The following OR56B2 variants were observed in gnomAD, a reference collection of about 807,000 sequenced individuals.
OR56B2 encodes the protein olfactory receptor family 56 subfamily B member 2.
the OR56B2 span, among the ~76,000 whole-genome samples, chr11:5,764,339 C>T: frequency 3.5e-5 from 5 of 141,030 alleles, 1 homozygote; most frequent in Admixed American, 7.3e-5. Context: ...TTAACTTCTA[C>T]GCCAGTCATC....
At chr11:5,763,361 TGGAG>T in the OR56B2 span, among the ~76,000 whole-genome samples, 3 of 90,302 alleles carry the variant, frequency 3.3e-5, 1 homozygote, top group Non-Finnish European at 7.5e-5. Context: ...TTGCCCAGGC[TGGAG>T]TGCAGTGGTA....
chr11:5,761,420 G>T, the OR56B2 span, among the ~76,000 whole-genome samples: 2 of 151,978 alleles, frequency 1.3e-5, no homozygotes, highest in African/African-American at 4.8e-5. Flanking sequence ...AAAACTTTAT[G>T]GAACCTAATA....
the OR56B2 span, chr11:5,767,103 T>C: frequency 0.92 from 127,411 of 137,818 alleles, 60,589 homozygotes; most frequent in Middle Eastern, 0.98. Flanking sequence ...CCTGGCTTCA[T>C]CTGAGGACTT....
At chr11:5,763,501 A>C in the OR56B2 span, among the ~76,000 whole-genome samples, 13 of 139,068 alleles carry the variant, frequency 9.3e-5, 4 homozygotes, top group Non-Finnish European at 1.9e-4. Flanking sequence ...TTCAGTAGGG[A>C]CGGAGTTTCA....
chr11:5,766,578 CAACAT>C, the OR56B2 span: 2 of 139,582 alleles, frequency 1.4e-5, no homozygotes, highest in Non-Finnish European at 3.2e-5. Flanking sequence ...AAAAGATGCT[CAACAT>C]AACTAGTCAT....
At chr11:5,768,090 A>G in the OR56B2 span, among the ~76,000 whole-genome samples, 2 of 138,538 alleles carry the variant, frequency 1.4e-5, no homozygotes, top group South Asian at 4.7e-4. Context: ...GCTTTTTGAT[A>G]CATGGATGTA....
chr11:5,763,923 T>C, the OR56B2 span, among the ~76,000 whole-genome samples: 1 of 140,336 alleles, frequency 7.1e-6, no homozygotes, highest in Admixed American at 7.3e-5. Flanking sequence ...GCATTAAAAT[T>C]TGTAGAAACA....
chr11:5,761,401 G>T, the OR56B2 span, among the ~76,000 whole-genome samples: 1 of 152,092 alleles, frequency 6.6e-6, no homozygotes, highest in Non-Finnish European at 1.5e-5. Flanking sequence ...AAATTAATCT[G>T]AATATTGGAA....
At chr11:5,765,060 G>A in the OR56B2 span, 2 of 140,838 alleles carry the variant, frequency 1.4e-5, 1 homozygote, top group East Asian at 4.1e-4. Context: ...CTTCCATAGA[G>A]ATTATTAGAA....
the OR56B2 span, chr11:5,761,260 A>C: frequency 6.6e-6 from 1 of 152,212 alleles, no homozygotes; most frequent in African/African-American, 2.4e-5. Flanking sequence ...AGCTGGGGCC[A>C]GAGTCAGTCT....
At chr11:5,768,576 A>T in the OR56B2 span, among the ~76,000 whole-genome samples, 2 of 139,706 alleles carry the variant, frequency 1.4e-5, no homozygotes, top group African/African-American at 2.6e-5. Context: ...TTGGGTAGAT[A>T]CCTAGGATTG....
At chr11:5,763,017 A>T in the OR56B2 span, among the ~76,000 whole-genome samples, 443 of 152,076 alleles carry the variant, frequency 2.9e-3, 2 homozygotes, top group African/African-American at 9.4e-3. Context: ...TGGTTTTCTT[A>T]TCTAAGAATA....
chr11:5,768,581 G>C, the OR56B2 span, among the ~76,000 whole-genome samples: 3 of 139,244 alleles, frequency 2.2e-5, 1 homozygote, highest in Admixed American at 2.2e-4. Flanking sequence ...TAGATACCTA[G>C]GATTGGCATT....
chr11:5,768,122 T>C, the OR56B2 span, among the ~76,000 whole-genome samples: 1 of 138,542 alleles, frequency 7.2e-6, no homozygotes. Flanking sequence ...AGCCTGGCTG[T>C]GGTGAAGTCT....
chr11:5,768,780 C>A, the OR56B2 span, among the ~76,000 whole-genome samples: 2 of 139,914 alleles, frequency 1.4e-5, no homozygotes, highest in African/African-American at 5.2e-5. Flanking sequence ...CAGGAAAATA[C>A]TTAAGGAAGT....
At chr11:5,766,739 T>C in the OR56B2 span, 1 of 139,404 alleles carries the variant, frequency 7.2e-6, no homozygotes, top group Non-Finnish European at 1.6e-5. Flanking sequence ...AAGAGATTAG[T>C]GTTTGCAAGT....
chr11:5,766,557 A>C, the OR56B2 span: 1 of 140,294 alleles, frequency 7.1e-6, no homozygotes, highest in East Asian at 2.1e-4. Context: ...CAAATGTCCA[A>C]AAAATACATG....
At chr11:5,764,311 G>A in the OR56B2 span, among the ~76,000 whole-genome samples, 4 of 140,974 alleles carry the variant, frequency 2.8e-5, no homozygotes, top group East Asian at 8.2e-4. Context: ...GTTTGTGTGT[G>A]CATGTGCGTG....
chr11:5,762,215 T>C, the OR56B2 span, among the ~76,000 whole-genome samples: 1 of 151,026 alleles, frequency 6.6e-6, no homozygotes, highest in South Asian at 2.1e-4. Context: ...TTTTTTTTCT[T>C]TACTAATCTA....
Sources: gnomAD v4.1 joint callset for allele counts (sites outside exome capture counted in the v4.1 genomes callset) on GRCh38, gnomAD v4.1.1 for gene constraint, MANE v1.5 for transcripts, NCBI Gene and HGNC (gene_info 2026-07-23, HGNC 2026-07-21) for gene names.